SBSN: variants seen among roughly 807,000 people sequenced by gnomAD.
The protein encoded by SBSN is suprabasin, also known as HLAR698.
Under a neutral mutation model 42.8 loss-of-function variants are expected in SBSN, and 33 were observed. The ratio of observed to expected loss-of-function variants is 0.77; its 90% CI spans 0.58 to 1.03. The LOEUF (loss-of-function observed/expected upper bound fraction) is 1.03. Among genes scored for constraint, SBSN ranks in the 50% least tolerant of loss-of-function variants. SBSN has a pLI of 0.00. For synonymous variants in SBSN, 276 were observed against 307.0 expected, an observed-to-expected ratio of 0.90 and a Z score of 1.06; for missense variants, 646 against 757.3, an observed-to-expected ratio of 0.85 and a Z score of 1.72.
Position 35,528,264 on chromosome 19 carries a change from C to T in SBSN, c.18G>A (p.Leu6=). MHLAR[L]VGSCSLLLLL... is the part of the protein sequence containing the mutation. Reference sequence around the variant, plus strand: ...GCAGAAGGAGGGAGCAGGAGCCGACCAGACGTGCAAGATGCATATTGCTGG... The same window carrying T: ...GCAGAAGGAGGGAGCAGGAGCCGACTAGACGTGCAAGATGCATATTGCTGG... The change falls in exon 1 of 4, where the codon CTG becomes CTA. Residue 6 remains leucine, a synonymous_variant. Transcript: ENST00000452271. The T allele has an allele frequency of 6.2e-7, 1 of 1,611,104 alleles. No individual in the cohort carries two copies. Among genetic ancestry groups the T allele is most frequent in the Non-Finnish European group, 8.5e-7 (1 of 1,179,120 alleles).
In SBSN at chr19:35,525,821, T is replaced by TA. The variant is rs559543525; in HGVS notation, c.1638+822dup. ...CCTCAGCCTTCTGAGTAGTTGGGAT[T>TA]AGAGGCGCCAGCCACCACACCTGGC... On this transcript the variant is annotated intron_variant, in intron 1 of 3. Transcript: ENST00000452271. 9.2e-4 allele frequency among the ~76,000 whole-genome samples: 140 copies of TA among 152,288 alleles called. 1 individual carries two copies. The highest frequency in any genetic ancestry group is 3.0e-3 in the African/African-American group (124 of 41,556).
rs373073485 is a variant in SBSN at position 35,526,839 on chromosome 19, G to A, written c.1443C>T (p.His481=). 20 of 1,613,926 alleles carry A rather than the reference G, an allele frequency of 1.2e-5. No individual in the cohort carries two copies. The African/African-American group carries it at 1.7e-4, about 14-fold the overall frequency. ...KEADKAVQGF[H]TGVHQAGKEA... ...CCTTCCCAGCCTGGTGGACCCCAGT[G>A]TGGAACCCTTGGACCGCTTTGTCTG... The change falls in exon 1 of 4, where the codon CAC becomes CAT. Residue 481 remains histidine, a synonymous_variant. Transcript: ENST00000452271.
At position 35,524,696 on chromosome 19, in the gene SBSN, C is replaced by G. The variant is rs1187816328; in HGVS notation, c.1749+15G>C. On this transcript the variant is annotated intron_variant, in intron 3 of 3. Transcript: ENST00000452271. ...CAGGACGCAGAGCAGAAAAGAGACACCATGGGGCACTCACCCTCCACAGGG... is the reference window on the plus strand; with the variant it reads ...CAGGACGCAGAGCAGAAAAGAGACAGCATGGGGCACTCACCCTCCACAGGG... The G allele has an allele frequency of 6.2e-7, 1 of 1,613,666 alleles. No individual in the cohort carries two copies. Among genetic ancestry groups the G allele is most frequent in the Admixed American group, 1.7e-5 (1 of 59,974 alleles).
Position 35,528,098 on chromosome 19 carries a change from C to T in SBSN, c.184G>A (p.Gly62Arg), listed in dbSNP as rs757003633. ...TTGAAAACCTTCTCCACTTCCCTTC[C>T]GGCATGCGTGATTCCACTGTTGATG... ...DGINSGITHAGREVEKVFNGL... is the reference protein window; with the variant it reads ...DGINSGITHARREVEKVFNGL... The change falls in exon 1 of 4, where the codon GGA (glycine) becomes AGA (arginine). Residue 62 changes from glycine to arginine, a missense_variant. Gly to Arg is a moderately radical substitution (Grantham distance 125). This residue lies in a region of SBSN where 190 missense variants were observed against 197.1 expected (regional missense o/e 0.96). Transcript: ENST00000452271. 85 of 1,613,918 alleles carry T rather than the reference C, an allele frequency of 5.3e-5. No individual in the cohort carries two copies. Among genetic ancestry groups the T allele is most frequent in the South Asian group, 2.9e-4 (26 of 91,086 alleles).
intron 3 of SBSN, among the ~76,000 whole-genome samples, chr19:35,524,150 A>G (rs1277980946): frequency 6.6e-6 from 1 of 152,268 alleles, no homozygotes; most frequent in Non-Finnish European, 1.5e-5. Context: ...ACTGCACTCC[A>G]GCCTGGGAGA....
At position 35,527,199 on chromosome 19, in the gene SBSN, A is replaced by T. The variant is rs2146284469; in HGVS notation, c.1083T>A (p.Phe361Leu). ...GQGVHHAASQ[F>L]GKETEKLGHG... ...GGCCGAGCTTCTCTGTTTCCTTCCCAAACTGACTGGCAGCATGGTGGACCC... is the reference window on the plus strand; with the variant it reads ...GGCCGAGCTTCTCTGTTTCCTTCCCTAACTGACTGGCAGCATGGTGGACCC... The change falls in exon 1 of 4, where the codon TTT becomes TTA. Residue 361 changes from phenylalanine to leucine, a missense_variant. By Grantham distance (22) the Phe-to-Leu change is conservative (BLOSUM62 0). Coordinates refer to ENST00000452271, the MANE Select transcript of SBSN (RefSeq NM_001166034.2). 6.5e-7 allele frequency: 1 copy of T among 1,530,732 alleles called. No individual in the cohort carries two copies. Among genetic ancestry groups the T allele is most frequent in the African/African-American group, 1.4e-5 (1 of 70,824 alleles). 94.8% of individuals were successfully genotyped at this position (1,530,732 alleles called of 1,614,324 possible).
chr19:35,526,575 G>T, intron 1 of SBSN, 69 bp downstream of exon 1: 11 of 824,350 alleles, frequency 1.3e-5, no homozygotes, highest in South Asian at 4.0e-5. Context: ...CCCGCCAAAT[G>T]TCCCAGGGGT....
chr19:35,527,922 G>A lies in SBSN; in HGVS notation c.360C>T (p.Asn120=). 1 of 1,614,152 alleles carries A rather than the reference G, an allele frequency of 6.2e-7. No homozygotes were observed. The highest frequency in any genetic ancestry group is 2.2e-5 in the East Asian group (1 of 44,868). Residue 120 remains asparagine, a synonymous_variant, in exon 1 of 4, where the codon AAC becomes AAT. Coordinates refer to ENST00000452271, the MANE Select transcript of SBSN (RefSeq NM_001166034.2). ...KEAEKLGHGV[N]NAAGQVGKEA... ...CCTTCCCAACCTGTCCAGCAGCGTT[G>A]TTGACCCCATGGCCAAGCTTCTCTG...
At position 35,524,770 on chromosome 19, in the gene SBSN, CAAG is replaced by C. The variant is rs2071350154; in HGVS notation, c.1705-18_1705-16del. On this transcript the variant is annotated splice_polypyrimidine_tract_variant and intron_variant, in intron 2 of 3. Coordinates refer to ENST00000452271, the MANE Select transcript of SBSN (RefSeq NM_001166034.2). Reference sequence around the variant, plus strand: ...TTGACCGAGGCCTGCAATTCAAGGACAAGAAGGTCAGTCTCCAGCGTCTGACCC... The same window carrying C: ...TTGACCGAGGCCTGCAATTCAAGGACAAGGTCAGTCTCCAGCGTCTGACCC... 2 of 1,613,908 alleles carry C rather than the reference CAAG, an allele frequency of 1.2e-6. No individual in the cohort carries two copies. The highest frequency in any genetic ancestry group is 2.7e-5 in the African/African-American group (2 of 74,878).
chr19:35,526,405 C>T (rs898743191), intron 1 of SBSN, among the ~76,000 whole-genome samples: 1 of 152,032 alleles, frequency 6.6e-6, no homozygotes, highest in African/African-American at 2.4e-5. Flanking sequence ...ACAGGGTGCC[C>T]GCCACCCTGT....
Position 35,526,781 on chromosome 19 carries a change from C to T in SBSN, c.1501G>A (p.Ala501Thr), listed in dbSNP as rs1217894919. ...AEKLGQGVNH[A>T]ADQAGKEVEK... ...ACTTCCTTTCCAGCCTGGTCAGCAGCATGGTTGACCCCTTGGCCAAGTTTC... is the reference window on the plus strand; with the variant it reads ...ACTTCCTTTCCAGCCTGGTCAGCAGTATGGTTGACCCCTTGGCCAAGTTTC... The change falls in exon 1 of 4, where the codon GCT (alanine) becomes ACT (threonine). Residue 501 changes from alanine to threonine, a missense_variant. This residue lies in a region of SBSN where 236 missense variants were observed against 225.6 expected (regional missense o/e 1.05). Transcript: ENST00000452271. The T allele has an allele frequency of 6.2e-7, 1 of 1,613,790 alleles. No homozygotes were observed. Among genetic ancestry groups the T allele is most frequent in the East Asian group, 2.2e-5 (1 of 44,846 alleles).
Position 35,527,338 on chromosome 19 carries a change from C to A in SBSN, c.944G>T (p.Gly315Val). 6.5e-7 allele frequency: 1 copy of A among 1,533,512 alleles called. No individual in the cohort carries two copies. Among genetic ancestry groups the A allele is most frequent in the Non-Finnish European group, 8.7e-7 (1 of 1,146,718 alleles). The allele number at this position is 1,533,512 out of a possible 1,614,324, so 95.0% of individuals were successfully genotyped here. Residue 315 changes from glycine to valine, a missense_variant, in exon 1 of 4, where the codon GGC becomes GTC. Gly to Val is a moderately radical substitution (Grantham distance 109, BLOSUM62 -3). Transcript: ENST00000452271. ...CCCCGCAGCATGGTGGGCCCCCTGG[C>A]CAAATCTCCCTGCCTCATTTCCGGC... Reference protein sequence around the residue: ...GQAGNEAGRFGQGAHHAAGQA... With the variant: ...GQAGNEAGRFVQGAHHAAGQA...
At chr19:35,524,992 C>T (rs1227828676) in intron 1 of SBSN, 68 bp from the exon 2 acceptor site, 9 of 1,544,598 alleles carry the variant, frequency 5.8e-6, no homozygotes, top group East Asian at 2.3e-5. Context: ...TCCTTTTCCC[C>T]AGGGACCTGG....
chr19:35,524,940 A>T lies in SBSN; in HGVS notation c.1639-16T>A. ...GATGGTTGCCCTGTGGACAAAGCCC[A>T]GACTCTTGTTACAACCCCACAAACG... On this transcript the variant is annotated splice_polypyrimidine_tract_variant and intron_variant, in intron 1 of 3. Transcript: ENST00000452271. 6.2e-7 allele frequency: 1 copy of T among 1,613,630 alleles called. No homozygotes were observed. Among genetic ancestry groups the T allele is most frequent in the Non-Finnish European group, 8.5e-7 (1 of 1,179,774 alleles).
chr19:35,524,058 T>C (rs535417266), intron 3 of SBSN, among the ~76,000 whole-genome samples: 2 of 152,324 alleles, frequency 1.3e-5, no homozygotes, highest in African/African-American at 4.8e-5. Context: ...CGCACACCTG[T>C]AATCCCAGCC....
rs2071390762 is a variant in SBSN, at chr19:35,527,426, C to T, written c.856G>A (p.Ala286Thr). Residue 286 changes from alanine to threonine, a missense_variant, in exon 1 of 4, where the codon GCT becomes ACT. Physicochemically the swap from Ala to Thr is moderately conservative, Grantham distance 58. Around this residue, in one of 3 missense-constraint regions of SBSN, gnomAD observed 220 missense variants for 334.5 expected, o/e 0.66. Transcript: ENST00000452271. ...EKFGQGVHHTAGQVGKEAEKF... is the reference protein window; with the variant it reads ...EKFGQGVHHTTGQVGKEAEKF... ...TCTGCCTCCTTCCCAACCTGACCAGCAGTATGGTGGACCCCCTGGCCAAAC... is the reference window on the plus strand; with the variant it reads ...TCTGCCTCCTTCCCAACCTGACCAGTAGTATGGTGGACCCCCTGGCCAAAC... 6.3e-7 allele frequency: 1 copy of T among 1,580,654 alleles called. No homozygotes were observed. The highest frequency in any genetic ancestry group is 8.5e-7 in the Non-Finnish European group (1 of 1,173,410).
chr19:35,528,161 T>G lies in SBSN; in HGVS notation c.121A>C (p.Ser41Arg). ...KVIEGINRGL[S>R]NAEREVGKAL... Reference sequence around the variant, plus strand: ...TTGCCCACCTCTCTCTCTGCATTGCTCAGCCCTCGGTTGATCCCTTCAATG... The same window carrying G: ...TTGCCCACCTCTCTCTCTGCATTGCGCAGCCCTCGGTTGATCCCTTCAATG... The change falls in exon 1 of 4, where the codon AGC becomes CGC. Residue 41 changes from serine (S) to arginine (R), a missense_variant. Physicochemically the swap from Ser to Arg is moderately radical, Grantham distance 110 (BLOSUM62 -1). Around this residue, in one of 3 missense-constraint regions of SBSN, gnomAD observed 190 missense variants for 197.1 expected, o/e 0.96. Coordinates refer to ENST00000452271, the MANE Select transcript of SBSN (RefSeq NM_001166034.2). The G allele has an allele frequency of 6.2e-7, 1 of 1,614,054 alleles. No individual in the cohort carries two copies. Among genetic ancestry groups the G allele is most frequent in the Non-Finnish European group, 8.5e-7 (1 of 1,180,014 alleles).
At chr19:35,524,644 G>A (rs2071347843) in intron 3 of SBSN, 67 bp downstream of exon 3, 2 of 1,565,742 alleles carry the variant, frequency 1.3e-6, no homozygotes, top group Non-Finnish European at 1.8e-6. Context: ...ACAGACACCG[G>A]GAAGGGGTCG....
intron 1 of SBSN, among the ~76,000 whole-genome samples, chr19:35,526,183 A>G (rs902392110): frequency 6.6e-6 from 1 of 152,112 alleles, no homozygotes; most frequent in East Asian, 1.9e-4. Flanking sequence ...TCTTGACCAC[A>G]TCAGAGGGTA....
Sources: gnomAD v4.1 joint callset for allele counts (sites outside exome capture counted in the v4.1 genomes callset) on GRCh38, gnomAD v4.1.1 for gene constraint, gnomAD v4.1.1 regional missense constraint, MANE v1.5 for transcripts, NCBI Gene and HGNC (gene_info 2026-07-23, HGNC 2026-07-21) for gene names.